SNTB1: variants seen among roughly 807,000 people sequenced by gnomAD.
The protein encoded by SNTB1 is beta-1-syntrophin.
Under a neutral mutation model 48.9 loss-of-function variants are expected in SNTB1, and 36 were observed. The ratio of observed to expected loss-of-function variants is 0.74; its 90% CI spans 0.56 to 0.97. The LOEUF (loss-of-function observed/expected upper bound fraction) is 0.97. Ranked by LOEUF, SNTB1 falls within the 50% of genes least tolerant of loss-of-function variation. SNTB1 has a pLI of 0.00. For missense variants in SNTB1, 786 were observed against 703.4 expected, an observed-to-expected ratio of 1.12 and a Z score of -1.33; for synonymous variants, 299 against 294.6, an observed-to-expected ratio of 1.01 and a Z score of -0.15.
intron 3 of SNTB1, among the ~76,000 whole-genome samples, chr8:120,605,024 G>A (rs954095143): frequency 6.6e-6 from 1 of 152,140 alleles, no homozygotes; most frequent in African/African-American, 2.4e-5. Context: ...CCCAAGTAGA[G>A]GTCCATGTCA....
chr8:120,780,105 C>A (rs926755640), intron 1 of SNTB1, among the ~76,000 whole-genome samples: 1 of 150,898 alleles, frequency 6.6e-6, no homozygotes, highest in Admixed American at 6.6e-5. Context: ...AAAAAAGATC[C>A]GTGTCAGAGC....
At chr8:120,678,741 C>T (rs1817880266) in intron 2 of SNTB1, among the ~76,000 whole-genome samples, 1 of 151,918 alleles carries the variant, frequency 6.6e-6, no homozygotes, top group African/African-American at 2.4e-5. Context: ...GACCTATTTT[C>T]AAAGAGGCAG....
chr8:120,585,130 T>C (rs1021052248), intron 3 of SNTB1, among the ~76,000 whole-genome samples: 1 of 152,166 alleles, frequency 6.6e-6, no homozygotes, highest in African/African-American at 2.4e-5. Flanking sequence ...CCCTATGCTG[T>C]AGTTCACCAC....
At chr8:120,791,218 A>G (rs192660277) in intron 1 of SNTB1, among the ~76,000 whole-genome samples, 1 of 151,872 alleles carries the variant, frequency 6.6e-6, no homozygotes, top group South Asian at 2.1e-4. Flanking sequence ...GGAGGCAATA[A>G]ATGTTGATAG....
chr8:120,736,695 T>A (rs1469697296), intron 1 of SNTB1, among the ~76,000 whole-genome samples: 2 of 152,198 alleles, frequency 1.3e-5, no homozygotes, highest in African/African-American at 4.8e-5. Flanking sequence ...CAACCGTCTA[T>A]TAATATGCAA....
chr8:120,653,932 G>A (rs562209362), intron 2 of SNTB1, among the ~76,000 whole-genome samples: 22 of 150,876 alleles, frequency 1.5e-4, no homozygotes, highest in Non-Finnish European at 2.8e-4. Context: ...CCAGCTACTC[G>A]GGGGGTCTGA....
intron 4 of SNTB1, 78 bp downstream of exon 4, chr8:120,575,008 A>G: frequency 1.3e-6 from 2 of 1,571,282 alleles, no homozygotes; most frequent in South Asian, 2.2e-5. Flanking sequence ...GCAGTAATAT[A>G]ACGTATTGAG....
intron 1 of SNTB1, among the ~76,000 whole-genome samples, chr8:120,787,019 C>T (rs1416431211): frequency 2.6e-5 from 4 of 152,176 alleles, no homozygotes; most frequent in African/African-American, 9.7e-5. Context: ...TCCAGCCCAA[C>T]AGGAGACAGT....
In SNTB1 at chr8:120,811,501, C is replaced by T. The variant is rs1172966461; in HGVS notation, c.343G>A (p.Val115Met). The stretch of plus-strand genomic sequence containing the variant: ...AGCCCGCCCAGCTCCTGCTTCAGCA[C>T]CTTCACGCCACGCTTCTGGTTCGAG... Reference protein sequence around the residue: ...SISNQKRGVKVLKQELGGLGI... With the variant: ...SISNQKRGVKMLKQELGGLGI... The change falls in exon 1 of 7, where the codon GTG becomes ATG. Residue 115 changes from valine (V) to methionine (M), a missense_variant. Val to Met is a conservative substitution (Grantham distance 21, BLOSUM62 1). Transcript: ENST00000517992. 1 of 1,613,664 alleles carries T rather than the reference C, an allele frequency of 6.2e-7. No homozygotes were observed. Among genetic ancestry groups the T allele is most frequent in the Non-Finnish European group, 8.5e-7 (1 of 1,179,832 alleles).
At chr8:120,584,057 T>C (rs1333536143) in intron 3 of SNTB1, among the ~76,000 whole-genome samples, 1 of 152,208 alleles carries the variant, frequency 6.6e-6, no homozygotes, top group Non-Finnish European at 1.5e-5. Flanking sequence ...CTCACGCTTG[T>C]AAGCCCAACA....
At chr8:120,759,777 C>T (rs1332559577) in intron 1 of SNTB1, among the ~76,000 whole-genome samples, 2 of 152,142 alleles carry the variant, frequency 1.3e-5, no homozygotes, top group African/African-American at 2.4e-5. Flanking sequence ...ATTTGGTTGG[C>T]CCTCTAGTGT....
At chr8:120,574,809 T>C (rs1815924219) in intron 4 of SNTB1, among the ~76,000 whole-genome samples, 1 of 152,184 alleles carries the variant, frequency 6.6e-6, no homozygotes, top group African/African-American at 2.4e-5. Flanking sequence ...GGGAATGAGA[T>C]GGAGACCCAG....
rs1819846156 is a variant in SNTB1, at chr8:120,782,425, A to T, written c.571+28848T>A. On this transcript the variant is annotated intron_variant, in intron 1 of 6. Coordinates refer to ENST00000517992, the MANE Select transcript of SNTB1 (RefSeq NM_021021.4). ...TCTTTTTTAAAAGAAACCTTTTTTT[A>T]AAAAAAGTTTTTTAAAAGTTAAAAT... 2.0e-5 allele frequency among the ~76,000 whole-genome samples: 3 copies of T among 152,182 alleles called. No individual in the cohort carries two copies. In the South Asian group the frequency reaches 6.2e-4, roughly 32 times the overall value.
chr8:120,728,459 C>T (rs988174012), intron 1 of SNTB1, among the ~76,000 whole-genome samples: 1 of 152,158 alleles, frequency 6.6e-6, no homozygotes, highest in African/African-American at 2.4e-5. Context: ...TAGTACCCAA[C>T]AGTTGATTTC....
In SNTB1 at chr8:120,811,958, G is replaced by C; in HGVS notation, c.-115C>G. ...GCGAGGAGAGTGCGTCCCGCGGGGA[G>C]GTGGCGGCACGCGGGACTCCGCTCC... On this transcript the variant is annotated 5_prime_UTR_variant, in exon 1 of 7. Coordinates refer to ENST00000517992, the MANE Select transcript of SNTB1 (RefSeq NM_021021.4). The C allele has an allele frequency of 1.6e-6, 2 of 1,274,174 alleles. No homozygotes were observed. Among genetic ancestry groups the C allele is most frequent in the Non-Finnish European group, 2.0e-6 (2 of 1,015,260 alleles). The allele number at this position is 1,274,174 out of a possible 1,614,324, so 78.9% of individuals were successfully genotyped here.
In SNTB1 at chr8:120,792,668, T is replaced by C. The variant is rs558107477; in HGVS notation, c.571+18605A>G. ...ATTTAGCTAAAGTATAGCGTTAACC[T>C]GGGAAATGGGAAAATTGGTTTGAAG... On this transcript the variant is annotated intron_variant, in intron 1 of 6. Transcript: ENST00000517992. Among the ~76,000 whole-genome samples, 29 of 152,100 alleles carry C rather than the reference T, an allele frequency of 1.9e-4. No individual in the cohort carries two copies. In the East Asian group the frequency reaches 5.6e-3, roughly 29 times the overall value.
intron 2 of SNTB1, among the ~76,000 whole-genome samples, chr8:120,682,715 G>A (rs756717222): frequency 4.1e-4 from 62 of 152,152 alleles, no homozygotes; most frequent in Non-Finnish European, 4.7e-4. Flanking sequence ...TGGGTACGTA[G>A]GTAGATAGAC....
chr8:120,677,286 G>T (rs1563849136), intron 2 of SNTB1, among the ~76,000 whole-genome samples: 1 of 152,068 alleles, frequency 6.6e-6, no homozygotes, highest in Non-Finnish European at 1.5e-5. Context: ...AAATTTATTG[G>T]AATATTTCTA....
chr8:120,619,916 A>G (rs1816767052), intron 3 of SNTB1, among the ~76,000 whole-genome samples: 1 of 152,188 alleles, frequency 6.6e-6, no homozygotes, highest in Non-Finnish European at 1.5e-5. Flanking sequence ...GATGGTGTTG[A>G]TGGAAGTTCT....
Sources: allele counts gnomAD v4.1 joint callset (sites outside exome capture counted in the v4.1 genomes callset), GRCh38; gene constraint gnomAD v4.1.1; transcripts MANE v1.5; gene names NCBI Gene and HGNC (gene_info 2026-07-23, HGNC 2026-07-21).